The following SLC39A10 variants were observed in gnomAD, a reference collection of about 807,000 sequenced individuals.
SLC39A10 encodes zinc transporter ZIP10.
In SLC39A10, 13 loss-of-function variants were observed where a neutral mutation model predicts 65.1. The ratio of observed to expected loss-of-function variants is 0.20; its 90% CI spans 0.13 to 0.32. SLC39A10 has a LOEUF of 0.32. Ranked by LOEUF, SLC39A10 falls within the 10% of genes least tolerant of loss-of-function variation. The probability of loss-of-function intolerance (pLI) is 1.00; values close to 1 mark genes in which losing one functional copy is unlikely to be tolerated. For missense variants in SLC39A10, 831 were observed against 1,018.4 expected (o/e 0.82, Z 2.50); for synonymous variants, 321 against 342.2 (o/e 0.94, Z 0.68).
intron 2 of SLC39A10, among the ~76,000 whole-genome samples, chr2:195,682,085 T>A (rs1690347187): frequency 6.6e-6 from 1 of 152,216 alleles, no homozygotes; most frequent in African/African-American, 2.4e-5. Flanking sequence ...TCTTGGGTAC[T>A]TACACATTTG....
intron 2 of SLC39A10, among the ~76,000 whole-genome samples, chr2:195,633,473 T>C (rs1006298945): frequency 6.6e-6 from 1 of 152,182 alleles, no homozygotes; most frequent in South Asian, 2.1e-4. Context: ...GCAGACAGGC[T>C]CAGTGGGCCC....
chr2:195,673,268 C>T (rs1689943448), intron 1 of SLC39A10, among the ~76,000 whole-genome samples: 1 of 152,138 alleles, frequency 6.6e-6, no homozygotes, highest in Admixed American at 6.5e-5. Context: ...CCTTGACCAC[C>T]CAAGCTCAGA....
At chr2:195,714,998 T>A (rs918141749) in intron 6 of SLC39A10, among the ~76,000 whole-genome samples, 2 of 151,990 alleles carry the variant, frequency 1.3e-5, no homozygotes, top group African/African-American at 4.8e-5. Flanking sequence ...GTGATTCGCC[T>A]GCCTCAGCCT....
At chr2:195,656,975 G>C (rs1689165333), upstream of SLC39A10, 1 of 152,400 alleles carries the variant, frequency 6.6e-6, no homozygotes, top group African/African-American at 2.4e-5. Context: ...GCGTAGACTT[G>C]AATTTCCTAT....
At chr2:195,644,503 G>A (rs1042801670) in intron 2 of SLC39A10, among the ~76,000 whole-genome samples, 7 of 151,808 alleles carry the variant, frequency 4.6e-5, no homozygotes, top group African/African-American at 1.2e-4. Context: ...CACCACACCC[G>A]GCTAATTTTT....
In SLC39A10 at chr2:195,662,767, A is replaced by G. The variant is rs140327953; in HGVS notation, c.-12+5486A>G. Among the ~76,000 whole-genome samples, 5 of 152,328 alleles carry G rather than the reference A, an allele frequency of 3.3e-5. No homozygotes were observed. In the East Asian group the frequency reaches 7.7e-4, roughly 23 times the overall value. On this transcript the variant is annotated intron_variant, in intron 1 of 9. Coordinates refer to ENST00000359634, the MANE Select transcript of SLC39A10 (RefSeq NM_020342.3). ...TCTGTAAATTAAATTTGGATCAGCA[A>G]ACTATGGGCCAAATATCCCTGCTTC...
rs1203585403 is a variant in SLC39A10, at chr2:195,682,858, A to T, written c.1009-841A>T. 7.6e-5 allele frequency among the ~76,000 whole-genome samples: 9 copies of T among 117,988 alleles called. 1 individual carries two copies. The highest frequency in any genetic ancestry group is 3.0e-4 in the African/African-American group (9 of 30,006). 77.4% of individuals were successfully genotyped at this position (117,988 alleles called of 152,430 possible). ...TGCTAAATAGAAAAAAATAAAAAAT[A>T]AAAAAAAAAAACTAAGAAGAATCAT... On this transcript the variant is annotated intron_variant, in intron 2 of 9. Transcript: ENST00000359634.
intron 2 of SLC39A10, among the ~76,000 whole-genome samples, chr2:195,625,666 T>C (rs1422480472): frequency 2.6e-5 from 4 of 152,132 alleles, no homozygotes; most frequent in Non-Finnish European, 5.9e-5. Flanking sequence ...AAGTACCTAA[T>C]TGTGTGCAAG....
chr2:195,683,603 G>GTAAT (rs1690415111), intron 2 of SLC39A10, 96 bp from the exon 3 acceptor site: 2 of 900,432 alleles, frequency 2.2e-6, no homozygotes, highest in African/African-American at 3.4e-5. Context: ...TTATTTGCAA[G>GTAAT]TAATATTTAG....
chr2:195,664,367 TAAA>T (rs148569238), intron 1 of SLC39A10, among the ~76,000 whole-genome samples: 2 of 150,842 alleles, frequency 1.3e-5, no homozygotes, highest in African/African-American at 4.9e-5. Context: ...GCTTTTCTTT[TAAA>T]AAAAAATAAG....
chr2:195,642,698 CAA>C (rs1234466309), intron 2 of SLC39A10, among the ~76,000 whole-genome samples: 1 of 152,166 alleles, frequency 6.6e-6, no homozygotes, highest in African/African-American at 2.4e-5. Context: ...GCTTTATCCC[CAA>C]GTTACTGGTT....
At chr2:195,679,996 A>G in intron 1 of SLC39A10, 36 bp from the exon 2 acceptor site, 2 of 1,513,298 alleles carry the variant, frequency 1.3e-6, no homozygotes, top group Non-Finnish European at 1.8e-6. Context: ...GTCTAGGTAG[A>G]AACTAATACT....
At chr2:195,620,978 GC>G (rs1351496452) in intron 2 of SLC39A10, among the ~76,000 whole-genome samples, 52 of 152,146 alleles carry the variant, frequency 3.4e-4, no homozygotes, top group Non-Finnish European at 6.2e-4. Context: ...AGAGATCAAT[GC>G]AGGGGACAGA....
chr2:195,701,806 A>G (rs1691205905), intron 3 of SLC39A10, among the ~76,000 whole-genome samples: 1 of 151,828 alleles, frequency 6.6e-6, no homozygotes, highest in African/African-American at 2.4e-5. Context: ...CTCAGCCTCC[A>G]GAGTAGCTGG....
At position 195,641,391 on chromosome 2, in the gene SLC39A10, A is replaced by G. The variant is rs187137365; in HGVS notation, c.-12+35158A>G. On this transcript the variant is annotated intron_variant, in intron 2 of 2. Transcript: ENST00000458054. ...TAGAGTTTTAGAGTTGCATTGTTCA[A>G]TAACAGTGTAATGTGAACCACATGC... Among the ~76,000 whole-genome samples the G allele has an allele frequency of 3.3e-5, 5 of 152,358 alleles. No homozygotes were observed. The East Asian group carries it at 7.7e-4, about 23-fold the overall frequency.
chr2:195,709,333 G>C (rs1315834372), intron 5 of SLC39A10, among the ~76,000 whole-genome samples: 1 of 152,164 alleles, frequency 6.6e-6, no homozygotes, highest in Non-Finnish European at 1.5e-5. Context: ...TTAGGTTCAA[G>C]CAATTCTTGT....
chr2:195,680,357 C>T lies in SLC39A10; in HGVS notation c.315C>T (p.Gly105=). The change falls in exon 2 of 10, where the codon GGC becomes GGT. Residue 105 remains glycine (G), a synonymous_variant. Transcript: ENST00000359634. The part of the protein sequence containing the change: ...KVVEINHEDL[G]HDHVSHLDIL... Reference sequence around the variant, plus strand: ...TTGAGATTAATCATGAGGATCTTGGCCACGATCATGTTTCTCATTTAGATA... The same window carrying T: ...TTGAGATTAATCATGAGGATCTTGGTCACGATCATGTTTCTCATTTAGATA... 6.2e-7 allele frequency: 1 copy of T among 1,614,112 alleles called. No individual in the cohort carries two copies. Among genetic ancestry groups the T allele is most frequent in the East Asian group, 2.2e-5 (1 of 44,876 alleles).
chr2:195,717,681 A>G (rs1240447200), intron 7 of SLC39A10, among the ~76,000 whole-genome samples: 1 of 152,066 alleles, frequency 6.6e-6, no homozygotes, highest in African/African-American at 2.4e-5. Context: ...CAGCCTCCCA[A>G]AGTGCTAGGA....
At chr2:195,726,509 T>C (rs1692245203) in intron 8 of SLC39A10, among the ~76,000 whole-genome samples, 1 of 152,082 alleles carries the variant, frequency 6.6e-6, no homozygotes, top group African/African-American at 2.4e-5. Flanking sequence ...AAAGCTGATA[T>C]TAAATCCGGG....
Sources: gnomAD v4.1 joint callset for allele counts (sites outside exome capture counted in the v4.1 genomes callset) on GRCh38, gnomAD v4.1.1 for gene constraint, MANE v1.5 for transcripts, NCBI Gene and HGNC (gene_info 2026-07-23, HGNC 2026-07-21) for gene names.